Variants in NDUFAF3 observed in about 807,000 individuals in gnomAD.
NDUFAF3 encodes the protein NADH dehydrogenase [ubiquinone] 1 alpha subcomplex assembly factor 3.
Under a neutral mutation model 22.6 loss-of-function variants are expected in NDUFAF3, and 21 were observed. The observed-to-expected ratio is 0.93, with a 90% CI of 0.66 to 1.34. NDUFAF3 has a LOEUF of 1.34. Ranked by LOEUF, NDUFAF3 falls within the 40% of genes most tolerant of loss-of-function variation. NDUFAF3 has a pLI of 0.00. For missense variants in NDUFAF3, 251 were observed against 248.4 expected (o/e 1.01, Z -0.07); for synonymous variants, 113 against 104.9 (o/e 1.08, Z -0.47).
In NDUFAF3 at chr3:49,022,454, C is replaced by T; in HGVS notation, c.186C>T (p.Ser62=). ...CCGCTCAGGCAATGTACATCGACAG[C>T]TACAACAGCCGCGGCTTCATGATAA... ...REAAQAMYID[S]YNSRGFMING... Residue 62 remains serine (S), a synonymous_variant, in exon 2 of 5, where the codon AGC becomes AGT. Coordinates refer to ENST00000326925, the MANE Select transcript of NDUFAF3 (RefSeq NM_199069.2). This position sits in a 1 kb window ranked among gnomAD's most constrained non-coding sequence, Gnocchi z 6.6. The T allele has an allele frequency of 6.2e-7, 1 of 1,612,982 alleles. No individual in the cohort carries two copies. Among genetic ancestry groups the T allele is most frequent in the Non-Finnish European group, 8.5e-7 (1 of 1,180,000 alleles).
chr3:49,023,412 G>T lies in NDUFAF3; in HGVS notation c.*240G>T. On this transcript the variant is annotated 3_prime_UTR_variant, in exon 5 of 5. Transcript: ENST00000326925. ...CTTAGGATTCCTTGACTTTTCAGAA[G>T]TCGGGAAGCAGTATGTTTGCCTGTT... 1 of 566,900 alleles carries T rather than the reference G, an allele frequency of 1.8e-6. No individual in the cohort carries two copies. Among genetic ancestry groups the T allele is most frequent in the Non-Finnish European group, 3.2e-6 (1 of 314,110 alleles). The allele number at this position is 566,900 out of a possible 1,614,324, so 35.1% of individuals were successfully genotyped here.
upstream of NDUFAF3, chr3:49,020,711 TGGCGGGG>T (rs763650632): frequency 4.1e-6 from 2 of 486,240 alleles, no homozygotes; most frequent in South Asian, 1.5e-5. Context: ...GTCCAGCCGT[TGGCGGGG>T]GGCGGGGGAG....
upstream of NDUFAF3, chr3:49,022,031 G>T: frequency 4.4e-6 from 5 of 1,125,820 alleles, no homozygotes; most frequent in South Asian, 1.4e-5. This position sits in a 1 kb window ranked among gnomAD's most constrained non-coding sequence, Gnocchi z 6.6. Context: ...CGAGCTGTGC[G>T]GTGCCCTCCG....
chr3:49,020,543 G>A (rs1407742419), upstream of NDUFAF3: 2 of 450,548 alleles, frequency 4.4e-6, no homozygotes, highest in African/African-American at 4.0e-5. Flanking sequence ...GCAACTGAGA[G>A]GAACTGAGAC....
chr3:49,022,076 G>A (rs1231112811), upstream of NDUFAF3: 3 of 1,515,598 alleles, frequency 2.0e-6, no homozygotes, highest in Non-Finnish European at 2.7e-6. This position sits in a 1 kb window ranked among gnomAD's most constrained non-coding sequence, Gnocchi z 6.6. Context: ...GCTGGGTCAG[G>A]CTCCGCAGGG....
rs1196794970 is a variant in NDUFAF3, at chr3:49,022,477, T to A, written c.209T>A (p.Ile70Lys). 1.3e-5 allele frequency: 21 copies of A among 1,613,056 alleles called. No homozygotes were observed. Among genetic ancestry groups the A allele is most frequent in the Non-Finnish European group, 1.8e-5 (21 of 1,179,976 alleles). ...AGCTACAACAGCCGCGGCTTCATGATAAACGGAAACCGCGTGCTCGGCCCC... is the reference window on the plus strand; with the variant it reads ...AGCTACAACAGCCGCGGCTTCATGAAAAACGGAAACCGCGTGCTCGGCCCC... ...IDSYNSRGFM[I>K]NGNRVLGPCA... Residue 70 changes from isoleucine (I) to lysine (K), a missense_variant, in exon 2 of 5, where the codon ATA (isoleucine) becomes AAA (lysine). By Grantham distance (102) the Ile-to-Lys change is moderately radical. Transcript: ENST00000326925. This position sits in a 1 kb window ranked among gnomAD's most constrained non-coding sequence, Gnocchi z 6.6.
At chr3:49,020,919 G>C, upstream of NDUFAF3, 1 of 256,370 alleles carries the variant, frequency 3.9e-6, no homozygotes. Flanking sequence ...TTAGATCCGT[G>C]GGGCAGGATT....
In NDUFAF3 at chr3:49,022,372, C is replaced by T. The variant is rs749785283; in HGVS notation, c.104C>T (p.Ser35Leu). Reference sequence around the variant, plus strand: ...GCCCCGCGGCGAGGGCATCGGCTCTCGCCGGCGGATGACGAGCTGTATCAG... The same window carrying T: ...GCCCCGCGGCGAGGGCATCGGCTCTTGCCGGCGGATGACGAGCTGTATCAG... ...PWAPRRGHRLSPADDELYQRT... is the reference protein window; with the variant it reads ...PWAPRRGHRLLPADDELYQRT... Residue 35 changes from serine (S) to leucine (L), a missense_variant, in exon 2 of 5, where the codon TCG becomes TTG. Physicochemically the swap from Ser to Leu is moderately radical, Grantham distance 145. Coordinates refer to ENST00000326925, the MANE Select transcript of NDUFAF3 (RefSeq NM_199069.2). The surrounding 1 kb of genome is among the most constrained non-coding windows in gnomAD (Gnocchi z 6.6). 9.3e-6 allele frequency: 15 copies of T among 1,612,392 alleles called. No homozygotes were observed. Among genetic ancestry groups the T allele is most frequent in the African/African-American group, 1.3e-5 (1 of 74,944 alleles).
In NDUFAF3 at chr3:49,022,752, G is replaced by A; in HGVS notation, c.321G>A (p.Leu107=). ...ITEDSFSLFW[L]LEPRIEIVVV... ...AAGACAGCTTTTCCCTCTTCTGGTT[G>A]CTGGAGCCCCGGATAGGTACTGGGG... Residue 107 remains leucine, a synonymous_variant, in exon 3 of 5, where the codon TTG becomes TTA. Coordinates refer to ENST00000326925, the MANE Select transcript of NDUFAF3 (RefSeq NM_199069.2). The surrounding 1 kb of genome is among the most constrained non-coding windows in gnomAD (Gnocchi z 6.6). 1 of 1,614,084 alleles carries A rather than the reference G, an allele frequency of 6.2e-7. No homozygotes were observed.
chr3:49,021,399 GGTGAT>G (rs1559911267), upstream of NDUFAF3: 1 of 152,736 alleles, frequency 6.5e-6, no homozygotes, highest in African/African-American at 2.4e-5. This position sits in a 1 kb window ranked among gnomAD's most constrained non-coding sequence, Gnocchi z 4.1. Flanking sequence ...ACGAGGACAA[GGTGAT>G]GCTCCACGCG....
Position 49,023,119 on chromosome 3 carries a change from ATCCC to A in NDUFAF3, c.506_509del (p.Pro169HisfsTer76). On this transcript the variant is annotated frameshift_variant, in exon 5 of 5. Coordinates refer to ENST00000326925, the MANE Select transcript of NDUFAF3 (RefSeq NM_199069.2). LOFTEE classifies it low-confidence loss of function (END_TRUNC). Reference sequence around the variant, plus strand: ...AGGCCGAGTAACTGGAGCTGCTCTCATCCCTCCACCAGGAGGGACTTCACTTACA... The same window carrying A: ...AGGCCGAGTAACTGGAGCTGCTCTCATCCACCAGGAGGGACTTCACTTACA... The A allele has an allele frequency of 1.2e-6, 2 of 1,614,098 alleles. No homozygotes were observed. Among genetic ancestry groups the A allele is most frequent in the Non-Finnish European group, 1.7e-6 (2 of 1,179,998 alleles).
chr3:49,021,376 G>C (rs1442140505), upstream of NDUFAF3: 1 of 152,622 alleles, frequency 6.6e-6, no homozygotes, highest in Admixed American at 6.5e-5. This position sits in a 1 kb window ranked among gnomAD's most constrained non-coding sequence, Gnocchi z 4.1. Context: ...CTCCCAGGAC[G>C]CGAGCAGAGT....
At position 49,022,153 on chromosome 3, in the gene NDUFAF3, C is replaced by T. The variant is rs750732851; in HGVS notation, c.9C>T (p.Thr3=). 9 of 1,609,158 alleles carry T rather than the reference C, an allele frequency of 5.6e-6. No individual in the cohort carries two copies. Among genetic ancestry groups the T allele is most frequent in the Non-Finnish European group, 5.9e-6 (7 of 1,179,428 alleles). MA[T]ALALRSLYRA... ...CCGCGCGTTGGTCAGCCATGGCCAC[C>T]GCTCTCGCGCTACGTAGCTTGTACC... The change falls in exon 1 of 5, where the codon ACC becomes ACT. Residue 3 remains threonine (T), a synonymous_variant. Transcript: ENST00000326925. This position sits in a 1 kb window ranked among gnomAD's most constrained non-coding sequence, Gnocchi z 6.6.
At position 49,022,772 on chromosome 3, in the gene NDUFAF3, C is replaced by T. The variant is rs369003584; in HGVS notation, c.337+4C>T. On this transcript the variant is annotated splice_donor_region_variant and intron_variant, in intron 3 of 4. Transcript: ENST00000326925. This position sits in a 1 kb window ranked among gnomAD's most constrained non-coding sequence, Gnocchi z 6.6. Reference sequence around the variant, plus strand: ...TGGTTGCTGGAGCCCCGGATAGGTACTGGGGAAGGGGAGGGAGAACAGAGG... The same window carrying T: ...TGGTTGCTGGAGCCCCGGATAGGTATTGGGGAAGGGGAGGGAGAACAGAGG... 6.2e-7 allele frequency: 1 copy of T among 1,613,998 alleles called. No homozygotes were observed.
chr3:49,020,511 C>T (rs1034896447), upstream of NDUFAF3: 2 of 417,970 alleles, frequency 4.8e-6, no homozygotes, highest in African/African-American at 4.1e-5. Context: ...ACGTCTACAC[C>T]CATCACCTCC....
rs1164109145 is a variant in NDUFAF3, at chr3:49,022,552, C to T, written c.270+14C>T. 2 of 1,613,350 alleles carry T rather than the reference C, an allele frequency of 1.2e-6. No homozygotes were observed. Among genetic ancestry groups the T allele is most frequent in the African/African-American group, 1.3e-5 (1 of 75,052 alleles). On this transcript the variant is annotated intron_variant, in intron 2 of 4. Transcript: ENST00000326925. This position sits in a 1 kb window ranked among gnomAD's most constrained non-coding sequence, Gnocchi z 6.6. ...GTGCAGTGGAACGTGAGTCCTGGCC[C>T]GCAGTGTGGAAACTGAGGCCCAGAG...
At chr3:49,021,831 C>G, upstream of NDUFAF3, 1 of 457,814 alleles carries the variant, frequency 2.2e-6, no homozygotes. This position sits in a 1 kb window ranked among gnomAD's most constrained non-coding sequence, Gnocchi z 4.1. Context: ...AGCTGAGAGC[C>G]CGGGGGCCAG....
In NDUFAF3 at chr3:49,022,196, C is replaced by T. The variant is rs1435163538; in HGVS notation, c.52C>T (p.Arg18Cys). ...RSLYRARPSL[R>C]CPPVELPWAP... ...CTTGTACCGAGCGCGACCCTCGCTGCGCTGTCCGCCCGTTGAGCTTCCCTG... is the reference window on the plus strand; with the variant it reads ...CTTGTACCGAGCGCGACCCTCGCTGTGCTGTCCGCCCGTTGAGCTTCCCTG... Residue 18 changes from arginine to cysteine, a missense_variant, in exon 1 of 5, where the codon CGC (arginine) becomes TGC (cysteine). Physicochemically the swap from Arg to Cys is radical, Grantham distance 180. Transcript: ENST00000326925. The surrounding 1 kb of genome is among the most constrained non-coding windows in gnomAD (Gnocchi z 6.6). 1.9e-6 allele frequency: 3 copies of T among 1,610,668 alleles called. No homozygotes were observed. The highest frequency in any genetic ancestry group is 3.3e-4 in the Middle Eastern group (2 of 6,080).
At chr3:49,022,024 G>A, upstream of NDUFAF3, 1 of 1,049,432 alleles carries the variant, frequency 9.5e-7, no homozygotes, top group Non-Finnish European at 1.4e-6. The surrounding 1 kb of genome is among the most constrained non-coding windows in gnomAD (Gnocchi z 6.6). Flanking sequence ...GGCCGGTCGA[G>A]CTGTGCGGTG....
Sources: gnomAD v4.1 joint callset for allele counts on GRCh38, gnomAD v4.1.1 for gene constraint, Gnocchi (gnomAD v3.1) non-coding constraint, MANE v1.5 for transcripts, NCBI Gene and HGNC (gene_info 2026-07-23, HGNC 2026-07-21) for gene names.